BRINP3: variants seen among roughly 807,000 people sequenced by gnomAD.
BRINP3 encodes BMP/retinoic acid-inducible neural-specific protein 3.
BRINP3 carries 19 observed loss-of-function variants against 71.0 expected under a neutral mutation model. The ratio of observed to expected loss-of-function variants is 0.27; its 90% CI spans 0.19 to 0.39. The LOEUF (loss-of-function observed/expected upper bound fraction) is 0.39. Among genes scored for constraint, BRINP3 ranks in the 10% least tolerant of loss-of-function variants. The pLI, the probability that BRINP3 is intolerant of heterozygous loss-of-function variation, is 1.00. For synonymous variants in BRINP3, 380 were observed against 337.7 expected, an observed-to-expected ratio of 1.13 and a Z score of -1.37; for missense variants, 959 against 940.8, an observed-to-expected ratio of 1.02 and a Z score of -0.25.
chr1:190,114,875 C>T (rs996133769), intron 7 of BRINP3, among the ~76,000 whole-genome samples: 10 of 152,128 alleles, frequency 6.6e-5, no homozygotes, highest in African/African-American at 1.2e-4. Flanking sequence ...AACCCCATTG[C>T]TCATATATCT....
At chr1:190,266,489 T>A (rs546196552) in intron 3 of BRINP3, among the ~76,000 whole-genome samples, 1 of 152,086 alleles carries the variant, frequency 6.6e-6, no homozygotes, top group East Asian at 1.9e-4. Flanking sequence ...AAAACATATA[T>A]CTCAAGAATA....
At chr1:190,438,109 T>C (rs1674584507) in intron 2 of BRINP3, among the ~76,000 whole-genome samples, 1 of 151,272 alleles carries the variant, frequency 6.6e-6, no homozygotes, top group Non-Finnish European at 1.5e-5. Flanking sequence ...TAGGGAATAA[T>C]GAATAAAGAG....
In BRINP3 at chr1:190,099,047, G is replaced by T; in HGVS notation, c.1272C>A (p.His424Gln). ...GLLGSFSEET[H>Q]SCTCPNDQVV... The stretch of plus-strand genomic sequence containing the variant: ...CCTGGTCATTCGGACACGTGCACGA[G>T]TGCGTCTCTTCTGAAAAGCTGCCTA... The change falls in exon 8 of 8, where the codon CAC becomes CAA. Residue 424 changes from histidine to glutamine, a missense_variant. By Grantham distance (24) the His-to-Gln change is conservative. Coordinates refer to ENST00000367462, the MANE Select transcript of BRINP3 (RefSeq NM_199051.3). 6.2e-7 allele frequency: 1 copy of T among 1,614,186 alleles called. No homozygotes were observed.
intron 2 of BRINP3, among the ~76,000 whole-genome samples, chr1:190,429,817 G>A (rs950161678): frequency 1.3e-5 from 2 of 151,910 alleles, no homozygotes; most frequent in South Asian, 2.1e-4. Context: ...TCGAACTCCC[G>A]ACATCAAGTC....
At chr1:190,254,450 G>A (rs1031972216) in intron 4 of BRINP3, among the ~76,000 whole-genome samples, 3 of 151,912 alleles carry the variant, frequency 2.0e-5, no homozygotes, top group Non-Finnish European at 4.4e-5. Flanking sequence ...TTATTTCGTT[G>A]AGCAGTGGTT....
chr1:190,291,082 A>G (rs1480491706), intron 2 of BRINP3, among the ~76,000 whole-genome samples: 2 of 152,054 alleles, frequency 1.3e-5, no homozygotes, highest in African/African-American at 4.8e-5. Flanking sequence ...CAGAAGCAAA[A>G]AGCCAAGTAT....
chr1:190,419,389 A>T (rs982209379), intron 2 of BRINP3, among the ~76,000 whole-genome samples: 2 of 152,086 alleles, frequency 1.3e-5, no homozygotes, highest in African/African-American at 4.8e-5. Flanking sequence ...TTTTAAGTTT[A>T]AATTATTGGT....
At chr1:190,452,554 C>CT (rs1281880025) in intron 2 of BRINP3, among the ~76,000 whole-genome samples, 1 of 152,046 alleles carries the variant, frequency 6.6e-6, no homozygotes, top group African/African-American at 2.4e-5. Context: ...TTCAACCCAG[C>CT]ACCTCTAAAA....
intron 2 of BRINP3, among the ~76,000 whole-genome samples, chr1:190,359,882 T>C (rs1669016417): frequency 6.6e-6 from 1 of 152,172 alleles, no homozygotes; most frequent in African/African-American, 2.4e-5. Context: ...AGTGGTGGAC[T>C]GTATCCCTCT....
chr1:190,238,098 A>G (rs1399411984), intron 4 of BRINP3, among the ~76,000 whole-genome samples: 1 of 151,960 alleles, frequency 6.6e-6, no homozygotes, highest in Non-Finnish European at 1.5e-5. Context: ...AATTTTATAC[A>G]TTTTGCCCCT....
At chr1:190,473,540 CTTTT>C (rs201424484) in intron 1 of BRINP3, among the ~76,000 whole-genome samples, 5 of 133,062 alleles carry the variant, frequency 3.8e-5, no homozygotes, top group Admixed American at 7.6e-5. Flanking sequence ...TAATTTTTCT[CTTTT>C]TTTTTTTTTT....
At chr1:190,232,086 G>A (rs55783026) in intron 5 of BRINP3, among the ~76,000 whole-genome samples, 5 of 151,968 alleles carry the variant, frequency 3.3e-5, no homozygotes, top group Non-Finnish European at 7.4e-5. Flanking sequence ...TACTTAGAAA[G>A]AAAACACAAC....
intron 4 of BRINP3, among the ~76,000 whole-genome samples, chr1:190,248,025 G>A (rs1417653931): frequency 6.6e-6 from 1 of 151,708 alleles, no homozygotes; most frequent in Non-Finnish European, 1.5e-5. Flanking sequence ...TTCAGCAAAT[G>A]CTATGGAGAT....
At chr1:190,199,527 C>A (rs1210963377) in intron 6 of BRINP3, among the ~76,000 whole-genome samples, 2 of 151,982 alleles carry the variant, frequency 1.3e-5, no homozygotes, top group East Asian at 3.9e-4. Context: ...ATACCCAAAC[C>A]AGAGCAATAA....
chr1:190,144,842 C>T (rs1655752469), intron 7 of BRINP3, among the ~76,000 whole-genome samples: 1 of 152,124 alleles, frequency 6.6e-6, no homozygotes, highest in Admixed American at 6.5e-5. Flanking sequence ...TCCTGGAGCA[C>T]TCCAAGCCCC....
At position 190,197,927 on chromosome 1, in the gene BRINP3, C is replaced by T. The variant is rs142051280; in HGVS notation, c.961+28155G>A. On this transcript the variant is annotated intron_variant, in intron 6 of 7. Transcript: ENST00000367462. ...CTTCCACACTGCCTTAACAGAGGGTCCCCATAATGGCTCCATCCCTGCAGC... is the reference window on the plus strand; with the variant it reads ...CTTCCACACTGCCTTAACAGAGGGTTCCCATAATGGCTCCATCCCTGCAGC... 5.7e-4 allele frequency among the ~76,000 whole-genome samples: 87 copies of T among 152,230 alleles called. No individual in the cohort carries two copies. In the East Asian group the frequency reaches 0.015, roughly 26 times the overall value.
chr1:190,442,031 C>G (rs1386214326), intron 2 of BRINP3, among the ~76,000 whole-genome samples: 1 of 151,848 alleles, frequency 6.6e-6, no homozygotes, highest in East Asian at 1.9e-4. Context: ...TCTTTAGAAT[C>G]TTTTGTTTTA....
intron 6 of BRINP3, among the ~76,000 whole-genome samples, chr1:190,221,184 C>T (rs568748955): frequency 6.6e-6 from 1 of 152,230 alleles, no homozygotes; most frequent in South Asian, 2.1e-4. Flanking sequence ...CACCACTACA[C>T]TCCAGCCTAG....
intron 7 of BRINP3, among the ~76,000 whole-genome samples, chr1:190,134,660 G>C (rs938213093): frequency 6.6e-6 from 1 of 152,116 alleles, no homozygotes; most frequent in African/African-American, 2.4e-5. Flanking sequence ...AAGTGGGTTA[G>C]ATGAGGGACT....
Sources: allele counts gnomAD v4.1 joint callset (sites outside exome capture counted in the v4.1 genomes callset), GRCh38; gene constraint gnomAD v4.1.1; transcripts MANE v1.5; gene names NCBI Gene and HGNC (gene_info 2026-07-23, HGNC 2026-07-21).